The following FARP1 variants were observed in gnomAD, a reference collection of about 807,000 sequenced individuals.
FARP1 encodes FERM, ARHGEF and pleckstrin domain-containing protein 1.
In FARP1, 52 loss-of-function variants were observed where a neutral mutation model predicts 128.8. The observed-to-expected ratio is 0.40, with a 90% CI of 0.32 to 0.51. FARP1 has a LOEUF of 0.51. FARP1 is among the 20% of genes least tolerant of loss of function. FARP1 has a pLI of 0.45. For missense variants in FARP1, 1,333 were observed against 1,367.9 expected, an observed-to-expected ratio of 0.97 and a Z score of 0.40; for synonymous variants, 580 against 551.8, an observed-to-expected ratio of 1.05 and a Z score of -0.72.
chr13:98,256,965 A>G (rs866473844), intron 2 of FARP1, among the ~76,000 whole-genome samples: 3,443 of 127,270 alleles, frequency 0.027, 239 homozygotes, highest in African/African-American at 0.081. Context: ...ATATATATAT[A>G]TATATATATA....
chr13:98,259,679 A>T (rs1403169776), intron 2 of FARP1, among the ~76,000 whole-genome samples: 1 of 151,968 alleles, frequency 6.6e-6, no homozygotes, highest in Non-Finnish European at 1.5e-5. Context: ...TCCTAATTAC[A>T]TTTGATTTTT....
chr13:98,398,656 T>G (rs1244431737), intron 13 of FARP1: 3 of 152,202 alleles, frequency 2.0e-5, no homozygotes, highest in African/African-American at 7.2e-5. Flanking sequence ...TCTTTTTATA[T>G]GGTGAGGGTT....
At position 98,176,394 on chromosome 13, in the gene FARP1, C is replaced by A. The variant is rs753802105; in HGVS notation, c.-24+32902C>A. ...AGCGCGGGGTGGCCCGGAAGTGCTCCAGCGCGCAGCTCTCGCAGAAATAAT... is the reference window on the plus strand; with the variant it reads ...AGCGCGGGGTGGCCCGGAAGTGCTCAAGCGCGCAGCTCTCGCAGAAATAAT... On this transcript the variant is annotated intron_variant, in intron 1 of 26. Coordinates refer to ENST00000319562, the MANE Select transcript of FARP1 (RefSeq NM_005766.4). The surrounding 1 kb of genome is among the most constrained non-coding windows in gnomAD (Gnocchi z 6.2). 2 of 1,614,254 alleles carry A rather than the reference C, an allele frequency of 1.2e-6. No homozygotes were observed. Among genetic ancestry groups the A allele is most frequent in the Non-Finnish European group, 1.7e-6 (2 of 1,180,050 alleles).
rs112711520 is a variant in FARP1, at chr13:98,439,544, C to A, written c.2433+348C>A. ...ACAGCCTGTGCCTGGCCCCAGGGGC[C>A]CCGACAGTCCTCGCCACACACAAGG... is the stretch of plus-strand genomic sequence containing the variant. On this transcript the variant is annotated intron_variant, in intron 21 of 26. Transcript: ENST00000319562. Among the ~76,000 whole-genome samples, 1,188 of 152,278 alleles carry A rather than the reference C, an allele frequency of 7.8e-3. 22 individuals carry two copies. Among genetic ancestry groups the A allele is most frequent in the African/African-American group, 0.023 (944 of 41,560 alleles).
intron 1 of FARP1, among the ~76,000 whole-genome samples, chr13:98,148,342 T>C (rs1415634446): frequency 2.0e-5 from 3 of 152,188 alleles, no homozygotes; most frequent in South Asian, 2.1e-4. Context: ...TACGCCATTG[T>C]ACTCCAGCCT....
chr13:98,335,303 T>C (rs1334968160), intron 2 of FARP1, among the ~76,000 whole-genome samples: 1 of 152,208 alleles, frequency 6.6e-6, no homozygotes, highest in South Asian at 2.1e-4. Flanking sequence ...TCCACATGGC[T>C]GGGGAGGCCT....
At chr13:98,318,091 A>G (rs1333197808) in intron 2 of FARP1, among the ~76,000 whole-genome samples, 1 of 128,160 alleles carries the variant, frequency 7.8e-6, no homozygotes, top group Admixed American at 8.4e-5. Flanking sequence ...TTTTTTTTGA[A>G]ACAGGGTCTT....
chr13:98,390,702 T>C (rs772143296), intron 10 of FARP1, 110 bp from the exon 11 acceptor site: 97 of 821,826 alleles, frequency 1.2e-4, no homozygotes, highest in Non-Finnish European at 2.0e-4. Flanking sequence ...CAACCCTGCA[T>C]CTCTCCCAGT....
rs376393196 is a variant in FARP1 at position 98,235,667 on chromosome 13, C to T, written c.171+22254C>T. On this transcript the variant is annotated intron_variant, in intron 2 of 26. Transcript: ENST00000319562. ...TAAGTATATTCACGTTGCTATGCAT[C>T]AGAGCTCCAGAGCTCTTTCCTTTTT... 5.3e-5 allele frequency among the ~76,000 whole-genome samples: 8 copies of T among 152,268 alleles called. No individual in the cohort carries two copies. In the East Asian group the frequency reaches 9.7e-4, roughly 18 times the overall value.
intron 6 of FARP1, among the ~76,000 whole-genome samples, chr13:98,380,436 AAAG>A (rs1289726295): frequency 4.9e-4 from 74 of 152,150 alleles, no homozygotes; most frequent in East Asian, 4.2e-3. Flanking sequence ...AAAAAAAAAA[AAAG>A]AAGAAGAGTG....
chr13:98,395,721 C>G (rs1478997796), intron 13 of FARP1: 3 of 434,300 alleles, frequency 6.9e-6, no homozygotes, highest in Non-Finnish European at 4.0e-6. Flanking sequence ...CGAAGTCCTC[C>G]CGGCCTCCTT....
intron 2 of FARP1, among the ~76,000 whole-genome samples, chr13:98,330,720 A>C (rs899222070): frequency 2.0e-5 from 3 of 151,568 alleles, no homozygotes; most frequent in African/African-American, 7.3e-5. Context: ...ACGCCACTGC[A>C]CTCCAGCTTG....
rs562855637 is a variant in FARP1, at chr13:98,253,708, C to A, written c.171+40295C>A. Among the ~76,000 whole-genome samples, 15 of 152,302 alleles carry A rather than the reference C, an allele frequency of 9.8e-5. 1 individual carries two copies. The South Asian group carries it at 3.1e-3, about 32-fold the overall frequency. ...GTCATCGTTGAGCTCGGTTTCCAGC[C>A]CAGATGTTTCCAGCCAGATGTGCTC... On this transcript the variant is annotated intron_variant, in intron 2 of 26. Transcript: ENST00000319562.
rs191457442 is a variant in FARP1 at position 98,359,930 on chromosome 13, G to C, written c.277-5465G>C. On this transcript the variant is annotated intron_variant, in intron 3 of 26. Transcript: ENST00000319562. The stretch of plus-strand genomic sequence containing the variant: ...ATCGGATTGGAGGAAAGAAAACAGG[G>C]CGCCTGACTGAAATGGAGCAAGATG... 8.5e-5 allele frequency among the ~76,000 whole-genome samples: 13 copies of C among 152,280 alleles called. No homozygotes were observed. In the East Asian group the frequency reaches 2.5e-3, roughly 29 times the overall value.
At chr13:98,276,096 A>G (rs1487689636) in intron 2 of FARP1, among the ~76,000 whole-genome samples, 1 of 152,134 alleles carries the variant, frequency 6.6e-6, no homozygotes, top group East Asian at 1.9e-4. Flanking sequence ...TCATTCTGAG[A>G]GGCTCACAGG....
intron 20 of FARP1, 78 bp from the exon 21 acceptor site, chr13:98,439,029 A>C: frequency 7.2e-7 from 1 of 1,395,346 alleles, no homozygotes; most frequent in Non-Finnish European, 1.0e-6. Context: ...GTGAAGGCAC[A>C]GTTGAGGACA....
intron 24 of FARP1, among the ~76,000 whole-genome samples, chr13:98,444,667 G>C (rs575107967): frequency 6.6e-6 from 1 of 152,346 alleles, no homozygotes; most frequent in South Asian, 2.1e-4. Context: ...GTTTCCAGAG[G>C]CTATTGGAAT....
At chr13:98,227,589 G>C (rs906758196) in intron 2 of FARP1, among the ~76,000 whole-genome samples, 2 of 152,188 alleles carry the variant, frequency 1.3e-5, no homozygotes, top group Admixed American at 6.5e-5. Context: ...ATGTAAAATA[G>C]AGTTGCTGTA....
intron 1 of FARP1, among the ~76,000 whole-genome samples, chr13:98,148,772 A>G (rs984609834): frequency 1.6e-4 from 24 of 152,104 alleles, no homozygotes; most frequent in Non-Finnish European, 2.9e-4. Context: ...TTCTGGTCCC[A>G]TTGCTGTTGC....
Sources: gnomAD v4.1 joint callset for allele counts (sites outside exome capture counted in the v4.1 genomes callset) on GRCh38, gnomAD v4.1.1 for gene constraint, Gnocchi (gnomAD v3.1) non-coding constraint, MANE v1.5 for transcripts, NCBI Gene and HGNC (gene_info 2026-07-23, HGNC 2026-07-21) for gene names.